FER1L6: variants seen among roughly 807,000 people sequenced by gnomAD.
FER1L6 encodes fer-1-like protein 6.
In FER1L6, 177 loss-of-function variants were observed where a neutral mutation model predicts 219.2. That is an observed-to-expected ratio of 0.81 (90% confidence interval 0.71 to 0.91). FER1L6 has a LOEUF of 0.91. Among genes scored for constraint, FER1L6 ranks in the 40% least tolerant of loss-of-function variants. The pLI is 0.00. For synonymous variants in FER1L6, 768 were observed against 824.3 expected (o/e 0.93, Z 1.17); for missense variants, 2,153 against 2,259.9 (o/e 0.95, Z 0.96).
chr8:123,961,072 A>G (rs1261737306), intron 2 of FER1L6, among the ~76,000 whole-genome samples: 1 of 151,840 alleles, frequency 6.6e-6, no homozygotes, highest in Non-Finnish European at 1.5e-5. Context: ...ACATAGTGAG[A>G]CCCCTTTGTC....
chr8:123,952,478 G>T (rs1282267307), intron 1 of FER1L6, among the ~76,000 whole-genome samples: 2 of 152,206 alleles, frequency 1.3e-5, no homozygotes, highest in African/African-American at 4.8e-5. Flanking sequence ...AGGTTGGTAT[G>T]AGGGTTCCTG....
chr8:124,058,318 C>T (rs1820402042), intron 22 of FER1L6, among the ~76,000 whole-genome samples: 1 of 152,174 alleles, frequency 6.6e-6, no homozygotes, highest in Non-Finnish European at 1.5e-5. Context: ...TGATATTTTA[C>T]TTCCATGGGG....
intron 1 of FER1L6, among the ~76,000 whole-genome samples, chr8:123,898,771 G>GTA (rs1452528481): frequency 1.3e-5 from 1 of 78,548 alleles, no homozygotes; most frequent in Non-Finnish European, 3.2e-5. Context: ...ATATATATGT[G>GTA]TATATATACG....
chr8:123,915,863 GGGAAGAATGTTCCAGGT>G (rs1321390531), intron 1 of FER1L6, among the ~76,000 whole-genome samples: 5 of 152,164 alleles, frequency 3.3e-5, no homozygotes, highest in Non-Finnish European at 1.5e-5. Flanking sequence ...GTCAGGGTGA[GGGAAGAATGTTCCAGGT>G]GGAAGGTATA....
chr8:123,856,316 G>GTGTATATATATATATA lies in FER1L6; in HGVS notation c.-8+4132_-8+4133insGTATATATATATATAT, dbSNP rs71576706. Among the ~76,000 whole-genome samples, 32 of 45,088 alleles carry GTGTATATATATATATA rather than the reference G, an allele frequency of 7.1e-4. 3 individuals carry two copies. The highest frequency in any genetic ancestry group is 2.3e-3 in the African/African-American group (27 of 11,510). The allele number at this position is 45,088 out of a possible 152,430, so 29.6% of individuals were successfully genotyped here. On this transcript the variant is annotated intron_variant, in intron 1 of 40. Coordinates refer to ENST00000522917, the MANE Select transcript of FER1L6 (RefSeq NM_001039112.2). ...TGTATATATATATATATATGTATGT[G>GTGTATATATATATATA]TATATATATATATATATATATATAT...
chr8:123,998,843 G>A (rs369359335), intron 12 of FER1L6, among the ~76,000 whole-genome samples: 4 of 152,054 alleles, frequency 2.6e-5, no homozygotes, highest in African/African-American at 7.2e-5. Context: ...GACCACTGCC[G>A]CCCTAGCCCC....
At chr8:124,015,611 A>ATATATATATATGTATG in intron 15 of FER1L6, among the ~76,000 whole-genome samples, 1 of 127,870 alleles carries the variant, frequency 7.8e-6, no homozygotes, top group East Asian at 2.3e-4. Flanking sequence ...ATATATATAT[A>ATATATATATATGTATG]TATATTACTC....
At chr8:123,866,114 T>C (rs1004808830) in intron 1 of FER1L6, among the ~76,000 whole-genome samples, 1 of 152,102 alleles carries the variant, frequency 6.6e-6, no homozygotes, top group African/African-American at 2.4e-5. Flanking sequence ...TGTGTCTTTA[T>C]AGCAGCATGA....
intron 1 of FER1L6, among the ~76,000 whole-genome samples, chr8:123,945,248 C>T (rs748196571): frequency 2.7e-4 from 41 of 152,164 alleles, no homozygotes; most frequent in Non-Finnish European, 3.7e-4. Flanking sequence ...GCTGAAATCC[C>T]GAGGATAGTG....
At chr8:124,013,344 G>A in intron 14 of FER1L6, 87 bp from the exon 15 acceptor site, 2 of 685,684 alleles carry the variant, frequency 2.9e-6, no homozygotes, top group African/African-American at 3.7e-5. Flanking sequence ...AAAAATAGCT[G>A]TTATTTCTAG....
Position 123,855,492 on chromosome 8 carries a change from TCCAG to T in FER1L6, c.-8+3308_-8+3311del, listed in dbSNP as rs550282354. ...TTGGTTAGAGCCCACTGAGTTCTCA[TCCAG>T]GGCATTAGTATGGAATGGGAAAAAG... On this transcript the variant is annotated intron_variant, in intron 1 of 40. Transcript: ENST00000522917. Among the ~76,000 whole-genome samples, 547 of 152,022 alleles carry T rather than the reference TCCAG, an allele frequency of 3.6e-3. 3 individuals carry two copies. The highest frequency in any genetic ancestry group is 0.012 in the African/African-American group (516 of 41,382).
At chr8:124,112,037 A>G (rs886484846) in intron 39 of FER1L6, among the ~76,000 whole-genome samples, 20 of 152,216 alleles carry the variant, frequency 1.3e-4, no homozygotes, top group Non-Finnish European at 5.9e-5. Context: ...TAGGTGGTCC[A>G]GAGTAAATGG....
chr8:123,949,649 C>A (rs1814669388), intron 1 of FER1L6, among the ~76,000 whole-genome samples: 1 of 152,132 alleles, frequency 6.6e-6, no homozygotes, highest in Non-Finnish European at 1.5e-5. Flanking sequence ...TATGGACTTG[C>A]CCACTCAGCT....
chr8:124,077,152 G>C (rs1028272332), intron 32 of FER1L6, among the ~76,000 whole-genome samples: 3 of 152,190 alleles, frequency 2.0e-5, no homozygotes, highest in African/African-American at 4.8e-5. Context: ...TAACCTCTCT[G>C]TTCCTAGTTT....
At position 123,975,237 on chromosome 8, in the gene FER1L6, G is replaced by A. The variant is rs758073114; in HGVS notation, c.614G>A (p.Ser205Asn). Residue 205 changes from serine to asparagine, a missense_variant, in exon 8 of 41, where the codon AGT becomes AAT. Ser to Asn is a conservative substitution (Grantham distance 46, BLOSUM62 1). Coordinates refer to ENST00000522917, the MANE Select transcript of FER1L6 (RefSeq NM_001039112.2). The part of the protein sequence containing the change: ...GTKGYLKCDI[S>N]VMGKGDVLKT... ...AAGGGGTACCTGAAATGTGACATCA[G>A]TGTCATGGGAAAAGGTGATGTCTTG... 3.7e-6 allele frequency: 6 copies of A among 1,613,390 alleles called. No homozygotes were observed. Among genetic ancestry groups the A allele is most frequent in the Non-Finnish European group, 5.1e-6 (6 of 1,179,746 alleles).
rs377722692 is a variant in FER1L6 at position 124,031,633 on chromosome 8, G to A, written c.2287-3644G>A. The stretch of plus-strand genomic sequence containing the variant: ...GCTGGCTTTGGGGAAATGGGGTTCT[G>A]GTTTCTGTGACCTGCACTAGGGAAG... On this transcript the variant is annotated intron_variant, in intron 18 of 40. Transcript: ENST00000522917. Among the ~76,000 whole-genome samples, 167 of 152,282 alleles carry A rather than the reference G, an allele frequency of 1.1e-3. 1 individual carries two copies. The highest frequency in any genetic ancestry group is 3.7e-3 in the African/African-American group (155 of 41,560).
intron 1 of FER1L6, among the ~76,000 whole-genome samples, chr8:123,872,817 A>G (rs1816947455): frequency 6.6e-6 from 1 of 152,184 alleles, no homozygotes. Context: ...GTCCTCTGTA[A>G]TCTGACCATT....
rs77327317 is a variant in FER1L6 at position 123,855,073 on chromosome 8, A to G, written c.-8+2888A>G. On this transcript the variant is annotated intron_variant, in intron 1 of 40. Coordinates refer to ENST00000522917, the MANE Select transcript of FER1L6 (RefSeq NM_001039112.2). ...CCTCTTCAATCGGCCCTGGGTCACA[A>G]TGAATCTGCATTTTGTCCATACGGA... Among the ~76,000 whole-genome samples the G allele has an allele frequency of 5.9e-5, 9 of 152,270 alleles. No individual in the cohort carries two copies. The East Asian group carries it at 1.7e-3, about 29-fold the overall frequency.
chr8:123,966,190 T>G lies in FER1L6; in HGVS notation c.284T>G (p.Leu95Arg), dbSNP rs1345115143. The change falls in exon 5 of 41, where the codon CTG (leucine) becomes CGG (arginine). Residue 95 changes from leucine (L) to arginine (R), a missense_variant. By Grantham distance (102) the Leu-to-Arg change is moderately radical. Coordinates refer to ENST00000522917, the MANE Select transcript of FER1L6 (RefSeq NM_001039112.2). ...ATAACCATCACCGAGGCTCGCCAGC[T>G]GGTGGGTGAGAACATTGACCCAGTT... The part of the protein sequence containing the change: ...IAITITEARQ[L>R]VGENIDPVVT... The G allele has an allele frequency of 9.9e-6, 16 of 1,613,992 alleles. No homozygotes were observed. The Admixed American group carries it at 2.7e-4, about 27-fold the overall frequency.
Sources: allele counts gnomAD v4.1 joint callset (sites outside exome capture counted in the v4.1 genomes callset), GRCh38; gene constraint gnomAD v4.1.1; transcripts MANE v1.5; gene names NCBI Gene and HGNC (gene_info 2026-07-23, HGNC 2026-07-21).